The following POLQ variants were observed in gnomAD, a reference collection of about 807,000 sequenced individuals.
POLQ encodes epididymis secretory sperm binding protein.
A neutral mutation model predicts 259.2 loss-of-function variants in POLQ; 233 were observed. That is an observed-to-expected ratio of 0.90 (90% CI 0.81 to 1.00). POLQ has a LOEUF of 1.00. Ranked by LOEUF, POLQ falls within the 50% of genes least tolerant of loss-of-function variation. POLQ has a pLI of 0.00. For missense variants in POLQ, 2,871 were observed against 3,051.6 expected (o/e 0.94, Z 1.39); for synonymous variants, 1,025 against 1,048.8 (o/e 0.98, Z 0.44).
At chr3:121,443,593 T>C (rs1381260819) in intron 26 of POLQ, among the ~76,000 whole-genome samples, 3 of 152,208 alleles carry the variant, frequency 2.0e-5, no homozygotes, top group Non-Finnish European at 2.9e-5. Context: ...GCAGTTTTTT[T>C]TAAACCTGAT....
Position 121,489,405 on chromosome 3 carries a change from C to A in POLQ, c.3526G>T (p.Gly1176Cys), listed in dbSNP as rs142860538. Residue 1176 changes from glycine to cysteine, a missense_variant, in exon 16 of 30, where the codon GGT (glycine) becomes TGT (cysteine). Coordinates refer to ENST00000264233, the MANE Select transcript of POLQ (RefSeq NM_199420.4). Reference protein sequence around the residue: ...EKINEVLIQNGSKNQNVYMKH... With the variant: ...EKINEVLIQNCSKNQNVYMKH... ...ATATAAACATTCTGGTTTTTTGAAC[C>A]ATTTTGTATCAGCACTTCATTTATT... 1 of 1,613,380 alleles carries A rather than the reference C, an allele frequency of 6.2e-7. No homozygotes were observed. Among genetic ancestry groups the A allele is most frequent in the African/African-American group, 1.3e-5 (1 of 74,946 alleles).
intron 7 of POLQ, among the ~76,000 whole-genome samples, chr3:121,523,256 G>A (rs2048350380): frequency 2.0e-5 from 3 of 151,892 alleles, no homozygotes; most frequent in African/African-American, 7.3e-5. Flanking sequence ...CTGGGCTTAA[G>A]CAATCCTCCC....
At chr3:121,518,527 C>T (rs568298476) in intron 9 of POLQ, among the ~76,000 whole-genome samples, 4 of 152,120 alleles carry the variant, frequency 2.6e-5, no homozygotes, top group Non-Finnish European at 5.9e-5. Flanking sequence ...GGTATTATTT[C>T]GGGATTCTGA....
At chr3:121,496,543 A>G (rs967136880) in intron 14 of POLQ, among the ~76,000 whole-genome samples, 5 of 152,128 alleles carry the variant, frequency 3.3e-5, no homozygotes, top group Non-Finnish European at 5.9e-5. Flanking sequence ...CAACAGGAAA[A>G]AGAAAAGGAA....
At chr3:121,522,601 G>A (rs1447295197) in intron 7 of POLQ, among the ~76,000 whole-genome samples, 1 of 152,148 alleles carries the variant, frequency 6.6e-6, no homozygotes, top group South Asian at 2.1e-4. Flanking sequence ...GTGAGCCACC[G>A]CGCCCGGCTG....
At chr3:121,510,929 C>G (rs989263393) in intron 10 of POLQ, among the ~76,000 whole-genome samples, 1 of 151,328 alleles carries the variant, frequency 6.6e-6, no homozygotes, top group African/African-American at 2.4e-5. Context: ...ACTGAAAATA[C>G]AAAAATTAAC....
chr3:121,490,516 GAAGAA>G, intron 15 of POLQ, 108 bp from the exon 16 acceptor site: 3 of 855,564 alleles, frequency 3.5e-6, no homozygotes, highest in South Asian at 3.3e-5. Context: ...AAATAACAAT[GAAGAA>G]GAGAGAGAAA....
intron 24 of POLQ, among the ~76,000 whole-genome samples, chr3:121,465,449 C>T (rs187742815): frequency 7.7e-4 from 117 of 152,106 alleles, no homozygotes; most frequent in Middle Eastern, 3.4e-3. Context: ...TTTTTCAAAA[C>T]ATAAGTTTTA....
rs1190411563 is a variant in POLQ, at chr3:121,529,692, G to T, written c.1061C>A (p.Ala354Glu). 5 of 1,612,990 alleles carry T rather than the reference G, an allele frequency of 3.1e-6. No homozygotes were observed. The highest frequency in any genetic ancestry group is 1.1e-5 in the South Asian group (1 of 91,036). Residue 354 changes from alanine to glutamate, a missense_variant, in exon 7 of 30, where the codon GCA becomes GAA. Physicochemically the swap from Ala to Glu is moderately radical, Grantham distance 107 (BLOSUM62 -1). This residue lies in a region of POLQ where 783 missense variants were observed against 906.2 expected (regional missense o/e 0.86). Transcript: ENST00000264233. Reference sequence around the variant, plus strand: ...ATAAAACTCTCGAGCAATGATATCTGCCAGCTTCTCACACCATTTCTTTGA... The same window carrying T: ...ATAAAACTCTCGAGCAATGATATCTTCCAGCTTCTCACACCATTTCTTTGA... ...CPSKKWCEKL[A>E]DIIAREFYNL...
rs1409053351 is a variant in POLQ, at chr3:121,522,064, A to G, written c.1194T>C (p.Pro398=). 1 of 1,609,332 alleles carries G rather than the reference A, an allele frequency of 6.2e-7. No homozygotes were observed. Residue 398 remains proline (P), a synonymous_variant, in exon 8 of 30, where the codon CCT becomes CCC. Transcript: ENST00000264233. ...LEVMDQLRRL[P]SGLDSVLQKT... ...TCTGTAATACAGAGTCCAGTCCTGA[A>G]GGCAAACGTCTTAACTGATCCATCA... is the stretch of plus-strand genomic sequence containing the variant.
intron 8 of POLQ, among the ~76,000 whole-genome samples, chr3:121,521,333 C>T (rs1262578439): frequency 6.6e-6 from 1 of 152,112 alleles, no homozygotes; most frequent in African/African-American, 2.4e-5. Context: ...TTTCAGGCAT[C>T]CACTGAGGAT....
intron 12 of POLQ, among the ~76,000 whole-genome samples, chr3:121,502,362 C>A (rs535045501): frequency 1.3e-5 from 2 of 152,244 alleles, no homozygotes; most frequent in South Asian, 4.2e-4. Flanking sequence ...CACCACCACA[C>A]CCAGCTCATT....
At chr3:121,492,310 A>G (rs537861791) in intron 15 of POLQ, among the ~76,000 whole-genome samples, 8 of 152,362 alleles carry the variant, frequency 5.3e-5, no homozygotes, top group African/African-American at 1.2e-4. Flanking sequence ...GAGATTTCAT[A>G]TAAGACTGAG....
At chr3:121,461,409 T>C (rs1171645316) in intron 24 of POLQ, among the ~76,000 whole-genome samples, 1 of 152,042 alleles carries the variant, frequency 6.6e-6, no homozygotes, top group African/African-American at 2.4e-5. Flanking sequence ...TCCTAGCACT[T>C]TGGGAGGCCA....
rs2047985958 is a variant in POLQ at position 121,483,430 on chromosome 3, G to A, written c.5926C>T (p.Leu1976Phe). The stretch of plus-strand genomic sequence containing the variant: ...TGCTCCAAGGAGATGCCACAAGAAA[G>A]AAGAAGAATTTTATAGCTCTGGATG... ...DFIQSYKILL[L>F]SCGISLEQSY... Residue 1976 changes from leucine to phenylalanine, a missense_variant, in exon 18 of 30, where the codon CTT becomes TTT. Around this residue, in one of 3 missense-constraint regions of POLQ, gnomAD observed 2,080 missense variants for 2,126.0 expected, o/e 0.98. Coordinates refer to ENST00000264233, the MANE Select transcript of POLQ (RefSeq NM_199420.4). The A allele has an allele frequency of 3.1e-6, 5 of 1,588,270 alleles. No homozygotes were observed. The highest frequency in any genetic ancestry group is 1.2e-5 in the South Asian group (1 of 84,816).
At position 121,487,751 on chromosome 3, in the gene POLQ, T is replaced by C. The variant is rs769033586; in HGVS notation, c.5180A>G (p.Asn1727Ser). 3 of 1,613,052 alleles carry C rather than the reference T, an allele frequency of 1.9e-6. No homozygotes were observed. The highest frequency in any genetic ancestry group is 2.2e-5 in the East Asian group (1 of 44,866). Reference sequence around the variant, plus strand: ...AATGAGACCATTATCATCAACTATATTACTTTCTTTACGAGGTAAGAGGGA... The same window carrying C: ...AATGAGACCATTATCATCAACTATACTACTTTCTTTACGAGGTAAGAGGGA... ...TSSLLPRKESNIVDDNGLIPP... is the reference protein window; with the variant it reads ...TSSLLPRKESSIVDDNGLIPP... Residue 1727 changes from asparagine (N) to serine (S), a missense_variant, in exon 16 of 30, where the codon AAT becomes AGT. Transcript: ENST00000264233.
intron 8 of POLQ, chr3:121,521,464 C>T (rs1051696475): frequency 6.6e-6 from 1 of 152,228 alleles, no homozygotes; most frequent in African/African-American, 2.4e-5. Context: ...ATATGTGGGG[C>T]TGGTACTATC....
intron 1 of POLQ, 56 bp from the exon 2 acceptor site, chr3:121,544,962 C>T: frequency 1.8e-6 from 2 of 1,102,128 alleles, no homozygotes; most frequent in South Asian, 3.1e-5. Context: ...ATGAGTTTTA[C>T]AGTTAGCCCT....
At position 121,545,779 on chromosome 3, in the gene POLQ, GA is replaced by G; in HGVS notation, c.98del (p.Phe33SerfsTer7). The part of the protein sequence containing the change: ...SGGDSSASPQ[F>X]LSGSVLSPPP... ...GCGGGCTCAGCACGGACCCGGAGAG[GA>G]ACTGGGGGCTGGCACTGCTGTCACC... On this transcript the variant is annotated frameshift_variant, in exon 1 of 30. Transcript: ENST00000264233. LOFTEE classifies it high-confidence loss of function. The G allele has an allele frequency of 6.2e-7, 1 of 1,609,616 alleles. No individual in the cohort carries two copies. Among genetic ancestry groups the G allele is most frequent in the Non-Finnish European group, 8.5e-7 (1 of 1,178,224 alleles).
Sources: allele counts gnomAD v4.1 joint callset (sites outside exome capture counted in the v4.1 genomes callset), GRCh38; gene constraint gnomAD v4.1.1; regional missense constraint gnomAD v4.1.1; transcripts MANE v1.5; gene names NCBI Gene and HGNC (gene_info 2026-07-23, HGNC 2026-07-21).